Variants in GPC3 observed in about 807,000 individuals in gnomAD.
GPC3 encodes glypican-3.
A neutral mutation model predicts 34.4 loss-of-function variants in GPC3; 3 were observed. That is an observed-to-expected ratio of 0.09 (90% CI 0.04 to 0.23). The LOEUF (loss-of-function observed/expected upper bound fraction) is 0.23, where lower values mean the gene tolerates loss of function less well. Ranked by LOEUF, GPC3 falls within the 10% of genes least tolerant of loss-of-function variation. The probability of loss-of-function intolerance (pLI) is 1.00; values close to 1 mark genes in which losing one functional copy is unlikely to be tolerated. For missense variants in GPC3, 351 were observed against 445.6 expected (o/e 0.79, Z 1.91); for synonymous variants, 177 against 174.0 (o/e 1.02, Z -0.13).
intron 7 of GPC3, among the ~76,000 whole-genome samples, chrX:133,552,079 A>G (rs2069439145): frequency 8.9e-6 from 1 of 112,841 alleles, no homozygotes. Flanking sequence ...TGCAATCTGG[A>G]AATTGCATAG....
At chrX:133,870,853 C>T (rs2075991300) in intron 2 of GPC3, among the ~76,000 whole-genome samples, 1 of 112,117 alleles carries the variant, frequency 8.9e-6, no homozygotes, top group African/African-American at 3.2e-5. Flanking sequence ...GGGATGGTCA[C>T]GTCTAACCTC....
intron 5 of GPC3, among the ~76,000 whole-genome samples, chrX:133,663,213 G>C (rs1297288470): frequency 8.9e-6 from 1 of 111,867 alleles, no homozygotes; most frequent in Non-Finnish European, 1.9e-5. Context: ...CAAGGCAGGA[G>C]GATTACTTGA....
Position 133,936,159 on chromosome X carries a change from A to G in GPC3, c.337+16891T>C, listed in dbSNP as rs1349137254. Among the ~76,000 whole-genome samples the G allele has an allele frequency of 2.8e-5, 3 of 107,012 alleles. No homozygotes were observed. The East Asian group carries it at 8.6e-4, about 31-fold the overall frequency. 92.9% of individuals were successfully genotyped at this position (107,012 alleles called of 115,157 possible). On this transcript the variant is annotated intron_variant, in intron 2 of 7. Coordinates refer to ENST00000370818, the MANE Select transcript of GPC3 (RefSeq NM_004484.4). ...AGGCTGTTCTCGAACTTCTGAGCTC[A>G]AGCAATCCACCTACCTCAGCCTCAG...
At chrX:133,923,006 G>A (rs1223671321) in intron 2 of GPC3, among the ~76,000 whole-genome samples, 1 of 110,926 alleles carries the variant, frequency 9.0e-6, no homozygotes, top group Non-Finnish European at 1.9e-5. Context: ...TCACATAGAG[G>A]CAGAGCCAGG....
At chrX:133,577,808 A>G (rs1197619624) in intron 7 of GPC3, among the ~76,000 whole-genome samples, 1 of 111,656 alleles carries the variant, frequency 9.0e-6, no homozygotes, top group East Asian at 2.8e-4. Context: ...GGTTTCCAAA[A>G]CATTAAAGAT....
At chrX:133,776,836 C>CA (rs1286523666) in intron 2 of GPC3, among the ~76,000 whole-genome samples, 1 of 107,235 alleles carries the variant, frequency 9.3e-6, no homozygotes, top group Non-Finnish European at 1.9e-5. Context: ...TGAGTATACT[C>CA]AAAAATTAGT....
At chrX:133,672,840 C>T (rs775209578) in intron 5 of GPC3, among the ~76,000 whole-genome samples, 20 of 108,155 alleles carry the variant, frequency 1.8e-4, no homozygotes, top group Non-Finnish European at 3.3e-4. Flanking sequence ...TTAGTAGAGA[C>T]GGGGTTTCAC....
intron 2 of GPC3, among the ~76,000 whole-genome samples, chrX:133,949,909 A>G (rs1276144880): frequency 1.8e-5 from 2 of 112,323 alleles, no homozygotes; most frequent in Non-Finnish European, 3.8e-5. Context: ...TGTGGCATCA[A>G]TGAGTTTCCT....
At chrX:133,853,301 T>C (rs1448714225) in intron 2 of GPC3, among the ~76,000 whole-genome samples, 1 of 111,841 alleles carries the variant, frequency 8.9e-6, no homozygotes, top group Non-Finnish European at 1.9e-5. Context: ...TAACATCTTC[T>C]TCTTCTATCC....
chrX:133,655,490 A>C (rs1569406907), intron 6 of GPC3, among the ~76,000 whole-genome samples: 2 of 108,027 alleles, frequency 1.9e-5, no homozygotes, highest in Non-Finnish European at 3.8e-5. Context: ...ACACACACAC[A>C]CACACACACA....
At chrX:133,695,026 C>T (rs1603227131) in intron 4 of GPC3, among the ~76,000 whole-genome samples, 3 of 111,397 alleles carry the variant, frequency 2.7e-5, no homozygotes, top group South Asian at 3.9e-4. Context: ...AAGAAATACC[C>T]GACTGGGTAA....
intron 1 of GPC3, among the ~76,000 whole-genome samples, chrX:133,965,170 A>ACCCCCCCCCCC (rs368195242): frequency 9.8e-6 from 1 of 102,437 alleles, no homozygotes; most frequent in African/African-American, 3.6e-5. Flanking sequence ...GAATGGTGTC[A>ACCCCCCCCCCC]CCCCCCCCCA....
chrX:133,767,474 C>T (rs1400557214), intron 2 of GPC3, among the ~76,000 whole-genome samples: 1 of 111,941 alleles, frequency 8.9e-6, no homozygotes, highest in Admixed American at 9.5e-5. Flanking sequence ...GGAAAGCTAG[C>T]CTTTGCAAAA....
At chrX:133,643,817 G>A (rs1016502481) in intron 6 of GPC3, among the ~76,000 whole-genome samples, 1 of 105,511 alleles carries the variant, frequency 9.5e-6, no homozygotes, top group East Asian at 2.9e-4. Context: ...CATTTGGATT[G>A]CTTTTGTTTT....
At chrX:133,563,232 G>A (rs1218606603) in intron 7 of GPC3, among the ~76,000 whole-genome samples, 1 of 111,696 alleles carries the variant, frequency 9.0e-6, no homozygotes, top group Non-Finnish European at 1.9e-5. Context: ...AAAAGAGCTG[G>A]ATTTTGTTTG....
At chrX:133,668,152 C>G (rs1268047800) in intron 5 of GPC3, among the ~76,000 whole-genome samples, 1 of 110,349 alleles carries the variant, frequency 9.1e-6, no homozygotes, top group Non-Finnish European at 1.9e-5. Context: ...ATCCGCCCGC[C>G]CACCTCGGCC....
At chrX:133,688,740 A>T (rs187737754) in intron 5 of GPC3, among the ~76,000 whole-genome samples, 1 of 111,589 alleles carries the variant, frequency 9.0e-6, no homozygotes, top group Non-Finnish European at 1.9e-5. Context: ...CAAAGTTACA[A>T]CCCACTGGAC....
intron 1 of GPC3, 151 bp downstream of exon 1, chrX:133,985,124 A>G (rs1276327818): frequency 4.8e-5 from 27 of 559,637 alleles, no homozygotes; most frequent in Non-Finnish European, 7.5e-5. Flanking sequence ...CAGTAGACCC[A>G]GCCAGGCCCC....
chrX:133,675,734 A>G (rs1006009138), intron 5 of GPC3, among the ~76,000 whole-genome samples: 1 of 112,122 alleles, frequency 8.9e-6, no homozygotes, highest in African/African-American at 3.2e-5. Context: ...TAAACCTGTC[A>G]ATGTGTCCCA....
Sources: gnomAD v4.1 joint callset for allele counts (sites outside exome capture counted in the v4.1 genomes callset) on GRCh38, gnomAD v4.1.1 for gene constraint, MANE v1.5 for transcripts, NCBI Gene and HGNC (gene_info 2026-07-23, HGNC 2026-07-21) for gene names.